SEM1: variants seen among roughly 807,000 people sequenced by gnomAD.
SEM1 encodes 26S proteasome complex subunit SEM1.
SEM1 carries 3 observed loss-of-function variants against 12.7 expected under a neutral mutation model. The observed-to-expected ratio is 0.24, with a 90% CI of 0.11 to 0.61. The LOEUF (loss-of-function observed/expected upper bound fraction) is 0.61. Ranked by LOEUF, SEM1 falls within the 20% of genes least tolerant of loss-of-function variation. The pLI is 0.88. For synonymous variants in SEM1, 30 were observed against 27.8 expected, an observed-to-expected ratio of 1.08 and a Z score of -0.25; for missense variants, 59 against 81.3, an observed-to-expected ratio of 0.73 and a Z score of 1.06.
intron 2 of SEM1, among the ~76,000 whole-genome samples, chr7:96,603,856 A>G (rs973752650): frequency 1.3e-5 from 2 of 148,294 alleles, no homozygotes; most frequent in Non-Finnish European, 3.0e-5. Context: ...CCTTTCCCAC[A>G]TTTAATGAAC....
upstream of SEM1, among the ~76,000 whole-genome samples, chr7:96,498,176 C>T (rs1208453469): frequency 6.6e-6 from 1 of 152,256 alleles, no homozygotes; most frequent in Non-Finnish European, 1.5e-5. Context: ...CATTGTAGAG[C>T]TGAAACTTGA....
chr7:96,581,831 G>C (rs1452479338), intron 2 of SEM1, among the ~76,000 whole-genome samples: 1 of 151,752 alleles, frequency 6.6e-6, no homozygotes, highest in Non-Finnish European at 1.5e-5. Context: ...TGTATCCTGA[G>C]ACTTTGCTGA....
intron 2 of SEM1, among the ~76,000 whole-genome samples, chr7:96,631,837 AG>A (rs1808271625): frequency 6.6e-6 from 1 of 152,134 alleles, no homozygotes; most frequent in Non-Finnish European, 1.5e-5. Context: ...GAATCTACAA[AG>A]AACTTAAACA....
At chr7:96,654,832 G>C (rs1404464631) in intron 2 of SEM1, among the ~76,000 whole-genome samples, 1 of 152,186 alleles carries the variant, frequency 6.6e-6, no homozygotes, top group East Asian at 1.9e-4. Context: ...TCATGACTGG[G>C]AGTCAGCAGC....
intron 2 of SEM1, among the ~76,000 whole-genome samples, chr7:96,580,726 G>A (rs903580161): frequency 1.4e-4 from 22 of 151,770 alleles, no homozygotes; most frequent in African/African-American, 4.4e-4. Context: ...GCCAGTGATG[G>A]TGAGCATTTT....
Position 96,709,746 on chromosome 7 carries a change from C to A in SEM1, c.18G>T (p.Gln6His), listed in dbSNP as rs376256373. MSEKK[Q>H]PVDLGLLEED... Reference sequence around the variant, plus strand: ...CCTCTAACAGACCTAAGTCTACCGGCTGCTTTTTCTCTGACATCTCGACTG... The same window carrying A: ...CCTCTAACAGACCTAAGTCTACCGGATGCTTTTTCTCTGACATCTCGACTG... Residue 6 changes from glutamine to histidine, a missense_variant, in exon 1 of 3, where the codon CAG (glutamine) becomes CAT (histidine). Coordinates refer to ENST00000248566, the MANE Select transcript of SEM1 (RefSeq NM_006304.2). The A allele has an allele frequency of 1.9e-6, 3 of 1,613,918 alleles. No homozygotes were observed. The African/African-American group carries it at 4.0e-5, about 22-fold the overall frequency.
intron 2 of SEM1, among the ~76,000 whole-genome samples, chr7:96,542,031 C>T (rs1218021106): frequency 2.7e-5 from 4 of 146,528 alleles, no homozygotes; most frequent in African/African-American, 1.0e-4. Context: ...AACGTGATAC[C>T]TCTGGCTTTT....
At chr7:96,650,437 T>G (rs1808938808) in intron 2 of SEM1, 2 of 728,532 alleles carry the variant, frequency 2.7e-6, no homozygotes, top group African/African-American at 3.4e-5. Context: ...TCGCCCAATG[T>G]GTCCTTCATC....
chr7:96,571,457 G>A (rs914895026), intron 2 of SEM1, among the ~76,000 whole-genome samples: 7 of 151,808 alleles, frequency 4.6e-5, no homozygotes, highest in African/African-American at 1.5e-4. Context: ...TTATTAAATA[G>A]GGAATCCTTT....
intron 2 of SEM1, among the ~76,000 whole-genome samples, chr7:96,573,581 G>A (rs974541687): frequency 1.3e-5 from 2 of 152,160 alleles, no homozygotes; most frequent in African/African-American, 4.8e-5. Flanking sequence ...CTTTAAGAAT[G>A]TTGAATATTG....
chr7:96,681,013 A>G (rs1367271851), intron 2 of SEM1, among the ~76,000 whole-genome samples: 4 of 152,108 alleles, frequency 2.6e-5, no homozygotes, highest in Non-Finnish European at 5.9e-5. Context: ...ACTTAAGAGG[A>G]TGAGGAGGGC....
At chr7:96,568,335 A>G (rs1416042322) in intron 2 of SEM1, among the ~76,000 whole-genome samples, 1 of 151,778 alleles carries the variant, frequency 6.6e-6, no homozygotes, top group Non-Finnish European at 1.5e-5. Flanking sequence ...CTCATTTTAA[A>G]TATTTTCGCT....
intron 2 of SEM1, among the ~76,000 whole-genome samples, chr7:96,523,559 TCTC>T (rs1202313257): frequency 2.0e-5 from 3 of 152,176 alleles, no homozygotes; most frequent in South Asian, 2.1e-4. Context: ...TGATCATCGT[TCTC>T]CTCTCTTTAC....
At chr7:96,612,554 A>T (rs1807571798) in intron 2 of SEM1, among the ~76,000 whole-genome samples, 1 of 152,186 alleles carries the variant, frequency 6.6e-6, no homozygotes, top group African/African-American at 2.4e-5. Flanking sequence ...CCTTAGACCC[A>T]TCTCCAAACC....
At chr7:96,503,029 A>G (rs1452103888) in intron 3 of SEM1, among the ~76,000 whole-genome samples, 1 of 152,154 alleles carries the variant, frequency 6.6e-6, no homozygotes, top group African/African-American at 2.4e-5. Context: ...GTCTTCTAAC[A>G]CCCAAGCATT....
At chr7:96,535,321 C>A (rs1367381134) in intron 2 of SEM1, among the ~76,000 whole-genome samples, 1 of 151,744 alleles carries the variant, frequency 6.6e-6, no homozygotes, top group Non-Finnish European at 1.5e-5. Flanking sequence ...AAGCAAAAAT[C>A]CTTAAGGAAA....
At chr7:96,578,254 G>A (rs1806270852) in intron 2 of SEM1, among the ~76,000 whole-genome samples, 1 of 145,852 alleles carries the variant, frequency 6.9e-6, no homozygotes, top group Admixed American at 7.0e-5. Context: ...TTTAGATTCA[G>A]TGTCCTGATA....
At chr7:96,484,909 T>C in intron 2 of SEM1, 2 of 1,156,326 alleles carry the variant, frequency 1.7e-6, no homozygotes, top group South Asian at 1.3e-5. Flanking sequence ...TTCTAAATTG[T>C]CTTACCCTGG....
At chr7:96,516,511 G>A (rs1225317405) in intron 2 of SEM1, among the ~76,000 whole-genome samples, 2 of 152,118 alleles carry the variant, frequency 1.3e-5, no homozygotes, top group Admixed American at 6.6e-5. Flanking sequence ...CCAGGGAAGT[G>A]TAAATTAAAA....
Sources: gnomAD v4.1 joint callset for allele counts (sites outside exome capture counted in the v4.1 genomes callset) on GRCh38, gnomAD v4.1.1 for gene constraint, MANE v1.5 for transcripts, NCBI Gene and HGNC (gene_info 2026-07-23, HGNC 2026-07-21) for gene names.